The following BLK variants were observed in gnomAD, a reference collection of about 807,000 sequenced individuals.
BLK encodes the protein tyrosine-protein kinase Blk.
A neutral mutation model predicts 61.8 loss-of-function variants in BLK; 64 were observed. The observed-to-expected ratio is 1.03, with a 90% CI of 0.85 to 1.27. BLK has a LOEUF of 1.27. Ranked by LOEUF, BLK falls within the 50% of genes most tolerant of loss-of-function variation. The probability of loss-of-function intolerance (pLI) is 0.00; values close to 1 mark genes in which losing one functional copy is unlikely to be tolerated. For synonymous variants in BLK, 351 were observed against 272.0 expected, an observed-to-expected ratio of 1.29 and a Z score of -2.86; for missense variants, 853 against 660.5, an observed-to-expected ratio of 1.29 and a Z score of -3.19.
chr8:11,507,576 A>G (rs760555278), intron 1 of BLK, among the ~76,000 whole-genome samples: 12 of 152,210 alleles, frequency 7.9e-5, no homozygotes, highest in Non-Finnish European at 1.3e-4. Flanking sequence ...GTGGAGATAA[A>G]AGGTCCAGGT....
chr8:11,563,947 C>T lies in BLK; in HGVS notation c.1357C>T (p.Arg453Cys). 1.2e-6 allele frequency: 2 copies of T among 1,607,428 alleles called. No homozygotes were observed. Among genetic ancestry groups the T allele is most frequent in the Non-Finnish European group, 1.7e-6 (2 of 1,179,382 alleles). The stretch of plus-strand genomic sequence containing the variant: ...CATCCGCAACCTGGAGCGCGGCTAC[C>T]GCATGCCGCGCCCCGACACCTGCCC... ...EVIRNLERGY[R>C]MPRPDTCPPE... is the part of the protein sequence containing the mutation. Residue 453 changes from arginine to cysteine, a missense_variant, in exon 13 of 13, where the codon CGC (arginine) becomes TGC (cysteine). By Grantham distance (180) the Arg-to-Cys change is radical. Transcript: ENST00000259089.
At chr8:11,524,220 G>A (rs1799561722) in intron 1 of BLK, among the ~76,000 whole-genome samples, 1 of 152,102 alleles carries the variant, frequency 6.6e-6, no homozygotes, top group Admixed American at 6.5e-5. Flanking sequence ...ACTGTTCACA[G>A]AAATAACCAA....
intron 2 of BLK, among the ~76,000 whole-genome samples, chr8:11,543,560 C>G (rs1800487118): frequency 6.6e-6 from 1 of 152,166 alleles, no homozygotes; most frequent in Admixed American, 6.5e-5. Flanking sequence ...TTCTCGAGGG[C>G]AGCCTTGAAA....
At chr8:11,537,485 C>A (rs901887229) in intron 1 of BLK, among the ~76,000 whole-genome samples, 4 of 152,132 alleles carry the variant, frequency 2.6e-5, no homozygotes, top group African/African-American at 9.7e-5. Flanking sequence ...TACAAAATAG[C>A]AAAACTATTT....
In BLK at chr8:11,564,201, C is replaced by T. The variant is rs1047343697; in HGVS notation, c.*93C>T. 4 of 1,427,012 alleles carry T rather than the reference C, an allele frequency of 2.8e-6. No homozygotes were observed. The Admixed American group carries it at 7.9e-5, about 28-fold the overall frequency. 88.4% of individuals were successfully genotyped at this position (1,427,012 alleles called of 1,614,324 possible). On this transcript the variant is annotated 3_prime_UTR_variant, in exon 13 of 13. Coordinates refer to ENST00000259089, the MANE Select transcript of BLK (RefSeq NM_001715.3). ...GACGGGCCGCGAAGGCGGGGTGTCG[C>T]CTGTGCCCTTTTCTCAGACCCGGAA...
chr8:11,529,546 G>C (rs549373943), intron 1 of BLK, among the ~76,000 whole-genome samples: 3 of 152,138 alleles, frequency 2.0e-5, no homozygotes, highest in Admixed American at 1.3e-4. Context: ...GGAGCAGTTT[G>C]GGGGGTGGGA....
At chr8:11,527,089 G>A (rs1041834648) in intron 1 of BLK, among the ~76,000 whole-genome samples, 1 of 151,982 alleles carries the variant, frequency 6.6e-6, no homozygotes, top group African/African-American at 2.4e-5. Flanking sequence ...TCCTGTACGT[G>A]CATGCTCGCA....
chr8:11,513,682 A>G (rs1371628095), intron 1 of BLK, among the ~76,000 whole-genome samples: 1 of 152,388 alleles, frequency 6.6e-6, no homozygotes, highest in East Asian at 1.9e-4. Flanking sequence ...CAAGTGATCC[A>G]GGGAGGCCTT....
At chr8:11,510,385 G>A (rs1318492776) in intron 1 of BLK, among the ~76,000 whole-genome samples, 2 of 152,122 alleles carry the variant, frequency 1.3e-5, no homozygotes, top group Non-Finnish European at 2.9e-5. Context: ...TGACTCATAA[G>A]GAAACAAACC....
At chr8:11,524,402 G>C (rs1799568777) in intron 1 of BLK, among the ~76,000 whole-genome samples, 1 of 152,132 alleles carries the variant, frequency 6.6e-6, no homozygotes, top group South Asian at 2.1e-4. Context: ...TACATGTGCA[G>C]TACTTGCTTA....
intron 1 of BLK, among the ~76,000 whole-genome samples, chr8:11,511,982 G>C (rs1160052526): frequency 1.3e-5 from 2 of 152,190 alleles, no homozygotes; most frequent in Non-Finnish European, 1.5e-5. Flanking sequence ...GTGATTGTTT[G>C]ATTATTTAAT....
At chr8:11,559,687 C>T (rs963078914) in intron 10 of BLK, 9 of 453,084 alleles carry the variant, frequency 2.0e-5, no homozygotes, top group Middle Eastern at 3.7e-4. Flanking sequence ...CACAATCCCT[C>T]GGGCCCCACT....
intron 1 of BLK, among the ~76,000 whole-genome samples, chr8:11,515,457 C>T (rs748857636): frequency 1.4e-4 from 21 of 152,202 alleles, no homozygotes; most frequent in Non-Finnish European, 2.4e-4. Flanking sequence ...GTGTCTGGGA[C>T]GAAGTAAGCA....
At chr8:11,556,622 G>A in intron 8 of BLK, 36 bp from the exon 9 acceptor site, 2 of 1,613,832 alleles carry the variant, frequency 1.2e-6, no homozygotes, top group Non-Finnish European at 1.7e-6. Context: ...CAAGCTCTCT[G>A]TCTTCTGATT....
intron 6 of BLK, chr8:11,553,639 C>T (rs1270048629): frequency 1.1e-5 from 2 of 178,154 alleles, no homozygotes; most frequent in Non-Finnish European, 2.4e-5. Context: ...GGCTCGGGTT[C>T]CTTAGAGACT....
intron 10 of BLK, chr8:11,560,833 G>A (rs921557851): frequency 3.3e-5 from 15 of 458,400 alleles, no homozygotes; most frequent in Admixed American, 1.2e-4. Flanking sequence ...GTGGCCCCTC[G>A]GGGAGGTTAA....
At chr8:11,522,960 A>T (rs1288595024) in intron 1 of BLK, among the ~76,000 whole-genome samples, 1 of 152,208 alleles carries the variant, frequency 6.6e-6, no homozygotes, top group Non-Finnish European at 1.5e-5. Flanking sequence ...GTATCTTCAT[A>T]TCTGGAACAT....
intron 6 of BLK, 104 bp downstream of exon 6, chr8:11,550,366 G>A: frequency 9.1e-7 from 1 of 1,102,334 alleles, no homozygotes; most frequent in Non-Finnish European, 1.4e-6. Flanking sequence ...ACTGCCAGGA[G>A]AACCAGCAGC....
chr8:11,533,953 G>C (rs1042821977), intron 1 of BLK, among the ~76,000 whole-genome samples: 1 of 152,208 alleles, frequency 6.6e-6, no homozygotes, highest in Non-Finnish European at 1.5e-5. Flanking sequence ...CCGTGTTGGC[G>C]GGCCTGCCTT....
Sources: gnomAD v4.1 joint callset for allele counts (sites outside exome capture counted in the v4.1 genomes callset) on GRCh38, gnomAD v4.1.1 for gene constraint, MANE v1.5 for transcripts, NCBI Gene and HGNC (gene_info 2026-07-23, HGNC 2026-07-21) for gene names.